The following MPDZ variants were observed in gnomAD, a reference collection of about 807,000 sequenced individuals.
MPDZ encodes multiple PDZ domain protein.
In MPDZ, 234 loss-of-function variants were observed where a neutral mutation model predicts 239.1. That is an observed-to-expected ratio of 0.98 (90% confidence interval 0.88 to 1.09). The LOEUF (loss-of-function observed/expected upper bound fraction) is 1.09. MPDZ is among the 50% of genes least tolerant of loss of function. The pLI is 0.00. For synonymous variants in MPDZ, 1,048 were observed against 881.3 expected, an observed-to-expected ratio of 1.19 and a Z score of -3.35; for missense variants, 3,175 against 2,510.0, an observed-to-expected ratio of 1.26 and a Z score of -5.66.
At position 13,215,034 on chromosome 9, in the gene MPDZ, G is replaced by A. The variant is rs549254540; in HGVS notation, c.1290+1740C>T. ...ATTTTGAATAGTACAATTCAATAGT[G>A]CTAAGTATATTCACATCATTGTGCA... On this transcript the variant is annotated intron_variant, in intron 10 of 46. Coordinates refer to ENST00000319217, the MANE Select transcript of MPDZ (RefSeq NM_001378778.1). Among the ~76,000 whole-genome samples the A allele has an allele frequency of 2.0e-5, 3 of 152,044 alleles. No homozygotes were observed. The South Asian group carries it at 6.2e-4, about 32-fold the overall frequency.
chr9:13,115,011 A>G (rs113401270), intron 40 of MPDZ, among the ~76,000 whole-genome samples: 4 of 152,206 alleles, frequency 2.6e-5, no homozygotes, highest in Non-Finnish European at 5.9e-5. Flanking sequence ...GAATCATGTC[A>G]AAAAAGAATG....
intron 3 of MPDZ, among the ~76,000 whole-genome samples, chr9:13,246,592 C>A (rs576143313): frequency 6.6e-6 from 1 of 152,180 alleles, no homozygotes; most frequent in Admixed American, 6.5e-5. Flanking sequence ...TGTGAAGATT[C>A]TTCTTGACTT....
chr9:13,185,241 AC>A (rs1185565104), intron 18 of MPDZ, among the ~76,000 whole-genome samples: 2 of 152,016 alleles, frequency 1.3e-5, no homozygotes. Context: ...ATATACCAAA[AC>A]TTTTCAAATG....
chr9:13,247,420 C>T (rs1966818740), intron 3 of MPDZ, among the ~76,000 whole-genome samples: 1 of 152,128 alleles, frequency 6.6e-6, no homozygotes, highest in African/African-American at 2.4e-5. Flanking sequence ...GCTTTCAACA[C>T]AATGTCATAT....
chr9:13,123,044 T>G (rs942194311), intron 36 of MPDZ, 109 bp downstream of exon 36: 2 of 1,157,012 alleles, frequency 1.7e-6, no homozygotes, highest in Admixed American at 3.2e-5. Flanking sequence ...TACAGGTTTT[T>G]TCGGCCTTCA....
At chr9:13,146,312 A>G (rs1265835947) in intron 26 of MPDZ, among the ~76,000 whole-genome samples, 1 of 152,020 alleles carries the variant, frequency 6.6e-6, no homozygotes, top group African/African-American at 2.4e-5. Context: ...CATGGCATAG[A>G]ATATTGATAA....
chr9:13,125,839 A>G (rs1384843916), intron 34 of MPDZ, among the ~76,000 whole-genome samples: 1 of 152,212 alleles, frequency 6.6e-6, no homozygotes, highest in African/African-American at 2.4e-5. Flanking sequence ...AAGTCAAGGT[A>G]AACGAAAAGT....
chr9:13,228,972 A>C (rs1056299094), intron 3 of MPDZ, among the ~76,000 whole-genome samples: 2 of 152,168 alleles, frequency 1.3e-5, no homozygotes, highest in African/African-American at 4.8e-5. Flanking sequence ...ACAACTGTTT[A>C]GTGCCCTGGG....
chr9:13,160,830 T>TTATACATATATATA (rs1161748804), intron 23 of MPDZ, among the ~76,000 whole-genome samples: 1 of 37,990 alleles, frequency 2.6e-5, no homozygotes, highest in Non-Finnish European at 5.3e-5. Context: ...ATTATTAAAA[T>TTATACATATATATA]TATATATATA....
intron 1 of MPDZ, among the ~76,000 whole-genome samples, chr9:13,251,877 G>A (rs1968138452): frequency 6.6e-6 from 1 of 152,176 alleles, no homozygotes; most frequent in African/African-American, 2.4e-5. Flanking sequence ...TTTGTGTCAA[G>A]AAAAGAGGAC....
At chr9:13,215,990 T>A (rs1489312441) in intron 10 of MPDZ, among the ~76,000 whole-genome samples, 1 of 146,356 alleles carries the variant, frequency 6.8e-6, no homozygotes, top group Non-Finnish European at 1.5e-5. Flanking sequence ...TCTGCCTGTG[T>A]TGGGATTACA....
chr9:13,164,542 T>G (rs567439040), intron 22 of MPDZ, among the ~76,000 whole-genome samples: 1 of 151,916 alleles, frequency 6.6e-6, no homozygotes, highest in Non-Finnish European at 1.5e-5. Flanking sequence ...CAGGATAGAA[T>G]AGCAAAAATA....
At chr9:13,153,103 C>G (rs1949402580) in intron 24 of MPDZ, among the ~76,000 whole-genome samples, 1 of 151,950 alleles carries the variant, frequency 6.6e-6, no homozygotes, top group African/African-American at 2.4e-5. Context: ...TAAGGAGTTC[C>G]TAGAGAAGAG....
At chr9:13,122,822 T>G (rs1586963749) in intron 36 of MPDZ, among the ~76,000 whole-genome samples, 1 of 152,090 alleles carries the variant, frequency 6.6e-6, no homozygotes, top group East Asian at 1.9e-4. Context: ...TGGCTCAAAC[T>G]CCTCTTAAAA....
intron 3 of MPDZ, among the ~76,000 whole-genome samples, chr9:13,232,697 A>C (rs1962842164): frequency 6.6e-6 from 1 of 151,942 alleles, no homozygotes; most frequent in South Asian, 2.1e-4. Context: ...TTAAAATAAA[A>C]ACAACTTCTG....
intron 21 of MPDZ, among the ~76,000 whole-genome samples, chr9:13,171,438 C>T (rs1999393): frequency 0.64 from 97,772 of 151,972 alleles, 32,603 homozygotes; most frequent in Middle Eastern, 0.76. Context: ...TGACTCTACC[C>T]CTTTAAGGGT....
intron 22 of MPDZ, among the ~76,000 whole-genome samples, chr9:13,163,713 T>C (rs1476623690): frequency 1.3e-5 from 2 of 152,136 alleles, no homozygotes; most frequent in East Asian, 1.9e-4. Flanking sequence ...ATCACAAAGA[T>C]TATTAAACCC....
chr9:13,181,066 G>C (rs1429964856), intron 19 of MPDZ, among the ~76,000 whole-genome samples: 2 of 152,076 alleles, frequency 1.3e-5, no homozygotes, highest in Non-Finnish European at 2.9e-5. Context: ...CATTCATCAA[G>C]GGGAAGAGAC....
At chr9:13,279,257 A>ACCCCCCCCCCCC (rs1320971173) in intron 1 of MPDZ, 143 bp downstream of exon 1, 2 of 23,938 alleles carry the variant, frequency 8.4e-5, no homozygotes, top group African/African-American at 1.6e-4. Flanking sequence ...CCCTACCCCC[A>ACCCCCCCCCCCC]CCCCCACCCC....
Sources: allele counts gnomAD v4.1 joint callset (sites outside exome capture counted in the v4.1 genomes callset), GRCh38; gene constraint gnomAD v4.1.1; transcripts MANE v1.5; gene names NCBI Gene and HGNC (gene_info 2026-07-23, HGNC 2026-07-21).